Variants in XPR1 observed in about 807,000 individuals in gnomAD.
The protein encoded by XPR1 is solute carrier family 53 member 1.
XPR1 carries 28 observed loss-of-function variants against 87.5 expected under a neutral mutation model. The ratio of observed to expected loss-of-function variants is 0.32; its 90% CI spans 0.24 to 0.44. XPR1 has a LOEUF of 0.44. Among genes scored for constraint, XPR1 ranks in the 20% least tolerant of loss-of-function variants. The pLI is 1.00. For synonymous variants in XPR1, 300 were observed against 306.1 expected, an observed-to-expected ratio of 0.98 and a Z score of 0.21; for missense variants, 559 against 862.3, an observed-to-expected ratio of 0.65 and a Z score of 4.41.
intron 1 of XPR1, among the ~76,000 whole-genome samples, chr1:180,660,900 G>A (rs543406910): frequency 6.7e-6 from 1 of 149,990 alleles, no homozygotes; most frequent in South Asian, 2.1e-4. Flanking sequence ...ACATTTCTTT[G>A]TTGATTTTCT....
intron 2 of XPR1, among the ~76,000 whole-genome samples, chr1:180,761,745 A>G (rs1414806354): frequency 2.0e-5 from 3 of 152,250 alleles, no homozygotes; most frequent in East Asian, 3.9e-4. Flanking sequence ...TAGAAATACC[A>G]TTTGACCCAG....
intron 2 of XPR1, among the ~76,000 whole-genome samples, chr1:180,748,351 T>C (rs1647360080): frequency 6.9e-6 from 1 of 145,314 alleles, no homozygotes; most frequent in African/African-American, 2.5e-5. Flanking sequence ...CAATAAATGC[T>C]CAAAACTCAT....
At chr1:180,731,735 A>C (rs541990010) in intron 2 of XPR1, among the ~76,000 whole-genome samples, 29 of 152,368 alleles carry the variant, frequency 1.9e-4, no homozygotes, top group African/African-American at 7.0e-4. Context: ...TCAATGAGAT[A>C]GTTTACATTT....
At position 180,680,475 on chromosome 1, in the gene XPR1, C is replaced by T. The variant is rs564156553; in HGVS notation, c.70-1885C>T. Among the ~76,000 whole-genome samples the T allele has an allele frequency of 2.1e-5, 3 of 145,438 alleles. No homozygotes were observed. In the East Asian group the frequency reaches 6.4e-4, roughly 31 times the overall value. On this transcript the variant is annotated intron_variant, in intron 1 of 14. Transcript: ENST00000367590. ...CTGCCTCCCGGGTTCAAGCGATTCT[C>T]CTGTCTCAGCCTCCCGAGTAGCTGG...
rs997394880 is a variant in XPR1 at position 180,774,732 on chromosome 1, A to G, written c.122-13021A>G. On this transcript the variant is annotated intron_variant, in intron 2 of 14. Transcript: ENST00000367590. ...TGTCTTTCCTATCTTTTTATATCTG[A>G]CCAATATTGATGTTCATCATAAATG... Among the ~76,000 whole-genome samples the G allele has an allele frequency of 7.6e-4, 116 of 152,006 alleles. 1 individual carries two copies. The highest frequency in any genetic ancestry group is 2.7e-3 in the African/African-American group (112 of 41,402).
intron 3 of XPR1, among the ~76,000 whole-genome samples, chr1:180,791,219 CTTCT>C (rs1649365955): frequency 6.6e-6 from 1 of 152,166 alleles, no homozygotes; most frequent in South Asian, 2.1e-4. Context: ...ATAGAAAATG[CTTCT>C]TTGTTTATGA....
intron 2 of XPR1, among the ~76,000 whole-genome samples, chr1:180,736,486 T>C (rs1012218909): frequency 5.9e-5 from 9 of 152,200 alleles, no homozygotes; most frequent in African/African-American, 2.2e-4. Flanking sequence ...CATGATTTGC[T>C]CAGCATTCCG....
At position 180,824,546 on chromosome 1, in the gene XPR1, A is replaced by G. The variant is rs375803040; in HGVS notation, c.764-207A>G. ...CAGTGAGCCGAGATCACGCCATTGC[A>G]CTCCAGCCTGGCAACAGGGTGAGAC... On this transcript the variant is annotated intron_variant, in intron 7 of 14. Transcript: ENST00000367590. Among the ~76,000 whole-genome samples, 50 of 152,256 alleles carry G rather than the reference A, an allele frequency of 3.3e-4. No individual in the cohort carries two copies. In the East Asian group the frequency reaches 7.3e-3, roughly 22 times the overall value.
intron 3 of XPR1, among the ~76,000 whole-genome samples, chr1:180,795,617 A>G (rs12073086): frequency 0.043 from 6,486 of 152,252 alleles, 496 homozygotes; most frequent in African/African-American, 0.15. Flanking sequence ...ATAAATAGAA[A>G]CATTAGGTAT....
At chr1:180,855,387 C>A (rs900302486) in intron 11 of XPR1, among the ~76,000 whole-genome samples, 3 of 152,086 alleles carry the variant, frequency 2.0e-5, no homozygotes, top group African/African-American at 7.2e-5. Flanking sequence ...GTTTTTACAG[C>A]TGGGCACAGT....
At chr1:180,878,090 C>T (rs966845675) in intron 13 of XPR1, 2 of 152,408 alleles carry the variant, frequency 1.3e-5, no homozygotes, top group African/African-American at 4.8e-5. Context: ...TCCTGAATGC[C>T]TCGGCCTGGC....
At chr1:180,740,611 G>A (rs1658885511) in intron 2 of XPR1, among the ~76,000 whole-genome samples, 1 of 152,132 alleles carries the variant, frequency 6.6e-6, no homozygotes, top group African/African-American at 2.4e-5. Context: ...ATATTGGTCT[G>A]TAGTTTCCTT....
chr1:180,678,426 A>G (rs1490150172), intron 1 of XPR1, among the ~76,000 whole-genome samples: 3 of 152,224 alleles, frequency 2.0e-5, no homozygotes, highest in Non-Finnish European at 4.4e-5. Flanking sequence ...TATAAAAGAC[A>G]GTACATTCCA....
intron 1 of XPR1, 31 bp downstream of exon 1, chr1:180,632,301 C>T (rs1346866501): frequency 2.7e-5 from 44 of 1,600,516 alleles, no homozygotes; most frequent in Non-Finnish European, 3.4e-5. Flanking sequence ...TGGGAGGACT[C>T]GGAGGGGCCA....
intron 14 of XPR1, among the ~76,000 whole-genome samples, chr1:180,880,962 T>G (rs1214994832): frequency 6.6e-6 from 1 of 152,076 alleles, no homozygotes; most frequent in Non-Finnish European, 1.5e-5. Flanking sequence ...GAAGGAGGCT[T>G]AGGTTGAGGA....
At chr1:180,835,110 A>G (rs534881762) in intron 10 of XPR1, 65 bp downstream of exon 10, 6 of 1,511,918 alleles carry the variant, frequency 4.0e-6, no homozygotes, top group Non-Finnish European at 5.4e-6. Flanking sequence ...ATTGGGAAGG[A>G]TAAATGAGAA....
At chr1:180,690,154 TA>T (rs762817354) in intron 2 of XPR1, among the ~76,000 whole-genome samples, 1,599 of 129,066 alleles carry the variant, frequency 0.012, 7 homozygotes, top group Non-Finnish European at 0.014. Context: ...AGACTCTGTC[TA>T]AAAAAAAAAA....
At chr1:180,798,603 C>G (rs1195289493) in intron 3 of XPR1, among the ~76,000 whole-genome samples, 1 of 151,896 alleles carries the variant, frequency 6.6e-6, no homozygotes, top group African/African-American at 2.4e-5. Context: ...TTATTAATTG[C>G]TGTAGGGTTT....
intron 1 of XPR1, among the ~76,000 whole-genome samples, chr1:180,640,549 T>C (rs921260992): frequency 6.6e-6 from 1 of 152,264 alleles, no homozygotes; most frequent in Non-Finnish European, 1.5e-5. Flanking sequence ...AGGCCTGGTC[T>C]GACCTGTTCT....
Sources: allele counts gnomAD v4.1 joint callset (sites outside exome capture counted in the v4.1 genomes callset), GRCh38; gene constraint gnomAD v4.1.1; transcripts MANE v1.5; gene names NCBI Gene and HGNC (gene_info 2026-07-23, HGNC 2026-07-21).